Variants in STARD9 observed in about 807,000 individuals in gnomAD.
The protein encoded by STARD9 is stAR-related lipid transfer protein 9.
A neutral mutation model predicts 399.8 loss-of-function variants in STARD9; 346 were observed. That is an observed-to-expected ratio of 0.87 (90% CI 0.79 to 0.95). STARD9 has a LOEUF of 0.95. STARD9 is among the 40% of genes least tolerant of loss of function. The pLI is 0.00. For missense variants in STARD9, 5,832 were observed against 5,667.5 expected, an observed-to-expected ratio of 1.03 and a Z score of -0.93; for synonymous variants, 2,203 against 2,143.5, an observed-to-expected ratio of 1.03 and a Z score of -0.77.
In STARD9 at chr15:42,689,149, C is replaced by T; in HGVS notation, c.7571C>T (p.Ala2524Val). The T allele has an allele frequency of 6.5e-7, 1 of 1,537,284 alleles. No homozygotes were observed. Among genetic ancestry groups the T allele is most frequent in the African/African-American group, 1.4e-5 (1 of 73,170 alleles). The change falls in exon 23 of 33, where the codon GCA becomes GTA. Residue 2524 changes from alanine (A) to valine (V), a missense_variant. Ala to Val is a moderately conservative substitution (Grantham distance 64). This residue lies in a region of STARD9 where 5,828 missense variants were observed against 5,651.1 expected (regional missense o/e 1.03). Coordinates refer to ENST00000290607, the MANE Select transcript of STARD9 (RefSeq NM_020759.3). ...GGACTGACCAGCGGTGTTTCCTTAG[C>T]ACCTGTTTCCCTGCCGAGGGTGCCC... ...DVGLTSGVSL[A>V]PVSLPRVPSP...
intron 2 of STARD9, among the ~76,000 whole-genome samples, chr15:42,584,946 G>A (rs2058245634): frequency 1.3e-5 from 2 of 152,124 alleles, no homozygotes; most frequent in African/African-American, 2.4e-5. Flanking sequence ...CTGACATGAC[G>A]CCATGAGTGG....
chr15:42,688,853 A>G lies in STARD9; in HGVS notation c.7275A>G (p.Pro2425=), dbSNP rs771369325. The change falls in exon 23 of 33, where the codon CCA becomes CCG. Residue 2425 remains proline, a synonymous_variant. Coordinates refer to ENST00000290607, the MANE Select transcript of STARD9 (RefSeq NM_020759.3). ...GATCTCATAGTCAATCTGGTGTACC[A>G]GAGAGCATTCCTCTGGGGACAGAGG... ...AMGSHSQSGV[P]ESIPLGTEDR... is the part of the protein sequence containing the mutation. 1.5e-5 allele frequency: 23 copies of G among 1,537,250 alleles called. No individual in the cohort carries two copies. The South Asian group carries it at 2.7e-4, about 18-fold the overall frequency.
At chr15:42,616,939 A>G (rs1450386346) in intron 3 of STARD9, among the ~76,000 whole-genome samples, 3 of 152,192 alleles carry the variant, frequency 2.0e-5, no homozygotes, top group African/African-American at 7.2e-5. Context: ...AATAACAGTA[A>G]CTACTTCATA....
intron 3 of STARD9, among the ~76,000 whole-genome samples, chr15:42,587,137 T>C (rs2058292713): frequency 6.6e-6 from 1 of 152,184 alleles, no homozygotes; most frequent in Non-Finnish European, 1.5e-5. Flanking sequence ...ATTATAGGCA[T>C]GAGTAACTGC....
chr15:42,686,464 T>C lies in STARD9; in HGVS notation c.4886T>C (p.Leu1629Ser). The C allele has an allele frequency of 6.5e-7, 1 of 1,537,796 alleles. No homozygotes were observed. Among genetic ancestry groups the C allele is most frequent in the Non-Finnish European group, 8.7e-7 (1 of 1,147,030 alleles). ...GCATGTGAAGTCAAGCAGAACAACT[T>C]GGAAGAATGCCTTCAGAGTTGCAGG... Reference protein sequence around the residue: ...TEACEVKQNNLEECLQSCRKP... With the variant: ...TEACEVKQNNSEECLQSCRKP... The change falls in exon 23 of 33, where the codon TTG (leucine) becomes TCG (serine). Residue 1629 changes from leucine to serine, a missense_variant. Leu to Ser is a moderately radical substitution (Grantham distance 145, BLOSUM62 -2). Around this residue, in one of 2 missense-constraint regions of STARD9, gnomAD observed 5,828 missense variants for 5,651.1 expected, o/e 1.03. Coordinates refer to ENST00000290607, the MANE Select transcript of STARD9 (RefSeq NM_020759.3).
chr15:42,633,557 A>C (rs1027710403), intron 3 of STARD9, among the ~76,000 whole-genome samples: 20 of 151,610 alleles, frequency 1.3e-4, no homozygotes, highest in Admixed American at 5.9e-4. Flanking sequence ...TTTATTAACT[A>C]TTCTTTATTT....
intron 1 of STARD9, 116 bp downstream of exon 1, chr15:42,575,878 G>C: frequency 8.6e-7 from 1 of 1,163,720 alleles, no homozygotes; most frequent in Non-Finnish European, 1.2e-6. Flanking sequence ...AAGTGACCCG[G>C]GGGGTCGGGG....
chr15:42,578,106 A>ATTTTTTTTTTTTT (rs57016102), intron 1 of STARD9, among the ~76,000 whole-genome samples: 2 of 134,124 alleles, frequency 1.5e-5, no homozygotes, highest in Non-Finnish European at 1.7e-5. Context: ...TTGACGCTCA[A>ATTTTTTTTTTTTT]TTTTTTTTTT....
rs1164069091 is a variant in STARD9, at chr15:42,718,005, C to G, written c.13588C>G (p.Leu4530Val). 1 of 1,537,202 alleles carries G rather than the reference C, an allele frequency of 6.5e-7. No homozygotes were observed. Among genetic ancestry groups the G allele is most frequent in the Admixed American group, 2.0e-5 (1 of 50,984 alleles). ...NYQGEEQAVQLYYKVFSPTRH... is the reference protein window; with the variant it reads ...NYQGEEQAVQVYYKVFSPTRH... ...TCAGGGTGAGGAGCAGGCGGTGCAG[C>G]TTTACTACAAGGTGTTTTCTCCCAC... is the stretch of plus-strand genomic sequence containing the variant. Residue 4530 changes from leucine to valine, a missense_variant, in exon 30 of 33, where the codon CTT becomes GTT. By Grantham distance (32) the Leu-to-Val change is conservative (BLOSUM62 1). Coordinates refer to ENST00000290607, the MANE Select transcript of STARD9 (RefSeq NM_020759.3).
chr15:42,718,483 A>T lies in STARD9; in HGVS notation c.13811A>T (p.Asp4604Val), dbSNP rs2061392278. The change falls in exon 31 of 33, where the codon GAT (aspartate) becomes GTT (valine). Residue 4604 changes from aspartate (D) to valine (V), a missense_variant. Asp to Val is a radical substitution (Grantham distance 152, BLOSUM62 -3). This residue lies in a region of STARD9 where 5,828 missense variants were observed against 5,651.1 expected (regional missense o/e 1.03). Transcript: ENST00000290607. The part of the protein sequence containing the change: ...TTLCALKQPR[D>V]FCCVCVEAKE... ...CTGTGCGCACTGAAGCAGCCACGGG[A>T]TTTCTGTTGTGTCTGCGTGGAAGCC... is the stretch of plus-strand genomic sequence containing the variant. The T allele has an allele frequency of 6.5e-7, 1 of 1,537,052 alleles. No individual in the cohort carries two copies. The highest frequency in any genetic ancestry group is 8.7e-7 in the Non-Finnish European group (1 of 1,146,868).
At position 42,685,688 on chromosome 15, in the gene STARD9, G is replaced by T; in HGVS notation, c.4110G>T (p.Lys1370Asn). 6.5e-7 allele frequency: 1 copy of T among 1,537,400 alleles called. No individual in the cohort carries two copies. ...SPDMQEFHSC[K>N]GERPGYWPNT... ...ATATGCAGGAATTTCACTCCTGTAA[G>T]GGGGAGAGGCCTGGATACTGGCCAA... Residue 1370 changes from lysine (K) to asparagine (N), a missense_variant, in exon 23 of 33, where the codon AAG (lysine) becomes AAT (asparagine). Physicochemically the swap from Lys to Asn is moderately conservative, Grantham distance 94. Transcript: ENST00000290607.
rs972675593 is a variant in STARD9 at position 42,674,423 on chromosome 15, CT to C, written c.1498-11del. 3.9e-6 allele frequency: 6 copies of C among 1,520,470 alleles called. No homozygotes were observed. The highest frequency in any genetic ancestry group is 2.4e-5 in the East Asian group (1 of 40,906). The allele number at this position is 1,520,470 out of a possible 1,614,324, so 94.2% of individuals were successfully genotyped here. ...TCCCTTTTAATTCTCATTAAAATGG[CT>C]TTTTTCCCCCTTTAGGAAGGGACAA... On this transcript the variant is annotated splice_polypyrimidine_tract_variant and intron_variant, in intron 16 of 32. Coordinates refer to ENST00000290607, the MANE Select transcript of STARD9 (RefSeq NM_020759.3).
intron 3 of STARD9, among the ~76,000 whole-genome samples, chr15:42,597,296 G>C (rs1343140441): frequency 6.6e-6 from 1 of 152,060 alleles, no homozygotes; most frequent in Admixed American, 6.6e-5. Context: ...GAACTCCTGG[G>C]CTCCACCTTG....
Position 42,638,696 on chromosome 15 carries a change from C to G in STARD9, c.447-4C>G, listed in dbSNP as rs1348290602. ...TTATGTTGCCTTTTTCTACTTAACTCTAGTTTTCTAGAAATCTATAATGAA... is the reference window on the plus strand; with the variant it reads ...TTATGTTGCCTTTTTCTACTTAACTGTAGTTTTCTAGAAATCTATAATGAA... On this transcript the variant is annotated splice_region_variant and splice_polypyrimidine_tract_variant and intron_variant, in intron 6 of 32. Transcript: ENST00000290607. 1 of 1,523,830 alleles carries G rather than the reference C, an allele frequency of 6.6e-7. No individual in the cohort carries two copies. Among genetic ancestry groups the G allele is most frequent in the Non-Finnish European group, 8.8e-7 (1 of 1,139,020 alleles). The allele number at this position is 1,523,830 out of a possible 1,614,324, so 94.4% of individuals were successfully genotyped here. A position where few individuals can be genotyped will look rare whatever the true frequency, so the allele number is the denominator to read the frequency against.
In STARD9 at chr15:42,695,726, T is replaced by G; in HGVS notation, c.13147-17T>G. 6.5e-7 allele frequency: 1 copy of G among 1,535,226 alleles called. No individual in the cohort carries two copies. The highest frequency in any genetic ancestry group is 8.7e-7 in the Non-Finnish European group (1 of 1,145,744). On this transcript the variant is annotated splice_polypyrimidine_tract_variant and intron_variant, in intron 25 of 32. Transcript: ENST00000290607. The stretch of plus-strand genomic sequence containing the variant: ...GGGTGCATCAGAAGCTGGTTAATGG[T>G]GATTTGTCCTTCCCAGGAAGAGGAT...
chr15:42,719,523 C>A lies in STARD9; in HGVS notation c.14052C>A (p.Ile4684=), dbSNP rs1284928609. ...CACCTCAGCTCCTGAGCTCTTTCATCAAACGGCAGCCACTGGTTATAGCCA... is the reference window on the plus strand; with the variant it reads ...CACCTCAGCTCCTGAGCTCTTTCATAAAACGGCAGCCACTGGTTATAGCCA... ...GFPPQLLSSF[I]KRQPLVIARL... The change falls in exon 33 of 33, where the codon ATC becomes ATA. Residue 4684 remains isoleucine (I), a synonymous_variant. Coordinates refer to ENST00000290607, the MANE Select transcript of STARD9 (RefSeq NM_020759.3). 1 of 1,537,250 alleles carries A rather than the reference C, an allele frequency of 6.5e-7. No individual in the cohort carries two copies. The highest frequency in any genetic ancestry group is 1.2e-5 in the South Asian group (1 of 84,056).
chr15:42,628,252 A>G (rs764225687), intron 3 of STARD9, among the ~76,000 whole-genome samples: 5 of 151,986 alleles, frequency 3.3e-5, no homozygotes, highest in Non-Finnish European at 7.4e-5. Flanking sequence ...GTTTATTCAG[A>G]TCTTTTGCCT....
intron 26 of STARD9, among the ~76,000 whole-genome samples, chr15:42,713,710 G>C (rs2061294874): frequency 6.6e-6 from 1 of 152,104 alleles, no homozygotes; most frequent in African/African-American, 2.4e-5. Context: ...TGTATGTCGA[G>C]CCAGCCCTGT....
chr15:42,657,564 A>G (rs1016931698), intron 9 of STARD9, among the ~76,000 whole-genome samples: 1 of 152,222 alleles, frequency 6.6e-6, no homozygotes, highest in Non-Finnish European at 1.5e-5. Flanking sequence ...TCAGTACCTA[A>G]TTTCCAGTAG....
Sources: allele counts gnomAD v4.1 joint callset (sites outside exome capture counted in the v4.1 genomes callset), GRCh38; gene constraint gnomAD v4.1.1; regional missense constraint gnomAD v4.1.1; transcripts MANE v1.5; gene names NCBI Gene and HGNC (gene_info 2026-07-23, HGNC 2026-07-21).